CCNB3: variants seen among roughly 807,000 people sequenced by gnomAD.
CCNB3 encodes G2/mitotic-specific cyclin-B3.
In CCNB3, 12 loss-of-function variants were observed where a neutral mutation model predicts 68.0. The observed-to-expected ratio is 0.18, with a 90% CI of 0.11 to 0.29. The LOEUF (loss-of-function observed/expected upper bound fraction) is 0.29, where lower values mean the gene tolerates loss of function less well. Ranked by LOEUF, CCNB3 falls within the 10% of genes least tolerant of loss-of-function variation. CCNB3 has a pLI of 1.00. For synonymous variants in CCNB3, 354 were observed against 388.9 expected, an observed-to-expected ratio of 0.91 and a Z score of 1.06; for missense variants, 904 against 993.1, an observed-to-expected ratio of 0.91 and a Z score of 1.21.
chrX:50,349,050 A>G (rs1923544001), intron 11 of CCNB3, among the ~76,000 whole-genome samples: 1 of 113,090 alleles, frequency 8.8e-6, no homozygotes, highest in Non-Finnish European at 1.9e-5. Context: ...ATCTGAACTC[A>G]GGTAGTCTGA....
At chrX:50,313,772 A>G (rs978743923) in intron 7 of CCNB3, 84 bp from the exon 8 acceptor site, 3 of 689,044 alleles carry the variant, frequency 4.4e-6, no homozygotes, top group Middle Eastern at 3.5e-4. Context: ...AGTTAGAACT[A>G]TGAGGGAGAA....
At chrX:50,296,254 ATC>A (rs1936458370) in intron 5 of CCNB3, among the ~76,000 whole-genome samples, 1 of 96,456 alleles carries the variant, frequency 1.0e-5, no homozygotes, top group Admixed American at 1.2e-4. Flanking sequence ...CATTAGGTAT[ATC>A]TCCTAATGCT....
chrX:50,333,946 T>A (rs1166501329), intron 8 of CCNB3, among the ~76,000 whole-genome samples: 1 of 111,739 alleles, frequency 8.9e-6, no homozygotes, highest in Non-Finnish European at 1.9e-5. Flanking sequence ...TCCCCCAGAG[T>A]TTAGCAGACC....
At chrX:50,316,123 C>G (rs73495637) in intron 8 of CCNB3, among the ~76,000 whole-genome samples, 12,567 of 110,419 alleles carry the variant, frequency 0.11, 1,780 homozygotes, top group African/African-American at 0.4. Flanking sequence ...TTGTTCTTGT[C>G]ATAGTGGATA....
chrX:50,217,396 CT>C (rs1436349099), intron 1 of CCNB3, among the ~76,000 whole-genome samples: 1 of 106,640 alleles, frequency 9.4e-6, no homozygotes, highest in African/African-American at 3.4e-5. Context: ...CCTTAGCCTC[CT>C]GAGTAGCTGG....
At chrX:50,307,909 T>G (rs1452244201) in intron 5 of CCNB3, among the ~76,000 whole-genome samples, 8 of 112,283 alleles carry the variant, frequency 7.1e-5, no homozygotes, top group Non-Finnish European at 1.5e-4. Context: ...TCTCACTAGA[T>G]TCATCACTCT....
intron 8 of CCNB3, among the ~76,000 whole-genome samples, chrX:50,324,663 T>C (rs1922206616): frequency 8.9e-6 from 1 of 112,247 alleles, no homozygotes; most frequent in Non-Finnish European, 1.9e-5. Flanking sequence ...TGCTAAGGTT[T>C]ATTTTGTTGT....
chrX:50,294,035 A>C (rs1240859613), intron 4 of CCNB3, among the ~76,000 whole-genome samples: 2 of 111,292 alleles, frequency 1.8e-5, no homozygotes, highest in African/African-American at 6.5e-5. Flanking sequence ...TCCCGGACTC[A>C]AGCAATCCTC....
At chrX:50,210,169 T>C (rs1196316531) in intron 1 of CCNB3, among the ~76,000 whole-genome samples, 1 of 111,380 alleles carries the variant, frequency 9.0e-6, no homozygotes, top group Non-Finnish European at 1.9e-5. Flanking sequence ...ACCTTCTCTA[T>C]TAGGCTTTAA....
At chrX:50,300,920 C>T (rs941960388) in intron 5 of CCNB3, among the ~76,000 whole-genome samples, 1 of 111,836 alleles carries the variant, frequency 8.9e-6, no homozygotes, top group Non-Finnish European at 1.9e-5. Flanking sequence ...TCCAGTTGAT[C>T]GCCTTGTTTA....
intron 1 of CCNB3, among the ~76,000 whole-genome samples, chrX:50,215,941 C>CTTTTT (rs1195858030): frequency 8.2e-4 from 43 of 52,480 alleles, no homozygotes; most frequent in African/African-American, 1.6e-3. Flanking sequence ...GGGTGTGCTT[C>CTTTTT]TTTTTTTTTT....
intron 1 of CCNB3, among the ~76,000 whole-genome samples, chrX:50,228,367 C>G (rs1343018714): frequency 7.8e-5 from 7 of 89,858 alleles, no homozygotes; most frequent in African/African-American, 2.8e-4. Flanking sequence ...GATATATATA[C>G]ATAATATATA....
At chrX:50,205,495 G>T (rs1935341254) in intron 1 of CCNB3, among the ~76,000 whole-genome samples, 1 of 110,540 alleles carries the variant, frequency 9.0e-6, no homozygotes, top group Non-Finnish European at 1.9e-5. Flanking sequence ...TGTTTATCCT[G>T]CCCTGCAGAT....
At chrX:50,219,121 GT>G (rs1416208016) in intron 1 of CCNB3, among the ~76,000 whole-genome samples, 1 of 111,526 alleles carries the variant, frequency 9.0e-6, no homozygotes, top group East Asian at 2.8e-4. Context: ...GGGGTTGTTT[GT>G]TTTTTTCTTG....
chrX:50,280,103 A>C (rs1193589724), intron 1 of CCNB3, among the ~76,000 whole-genome samples: 1 of 93,042 alleles, frequency 1.1e-5, no homozygotes, highest in Non-Finnish European at 2.0e-5. Flanking sequence ...ATAAATATAT[A>C]TATAGAATAT....
At chrX:50,213,590 T>A (rs2146978023) in intron 1 of CCNB3, among the ~76,000 whole-genome samples, 1 of 111,948 alleles carries the variant, frequency 8.9e-6, no homozygotes, top group East Asian at 2.8e-4. Flanking sequence ...TGGTATTAAT[T>A]GTTCTTTAAA....
chrX:50,226,234 TTTATATATATAG>T (rs1294645956), intron 1 of CCNB3, among the ~76,000 whole-genome samples: 7 of 66,742 alleles, frequency 1.0e-4, no homozygotes, highest in African/African-American at 3.9e-4. Flanking sequence ...AATATATATA[TTTATATATATAG>T]AATATATATA....
At chrX:50,335,101 G>T (rs138563223) in intron 8 of CCNB3, among the ~76,000 whole-genome samples, 2 of 111,765 alleles carry the variant, frequency 1.8e-5, no homozygotes. Context: ...AAGGTCGTCC[G>T]TGTACTGGAG....
intron 1 of CCNB3, among the ~76,000 whole-genome samples, chrX:50,212,190 G>A (rs1294938145): frequency 8.9e-6 from 1 of 112,280 alleles, no homozygotes; most frequent in Non-Finnish European, 1.9e-5. Flanking sequence ...TTCTTGAAGA[G>A]AATGACTGCG....
Sources: allele counts gnomAD v4.1 joint callset (sites outside exome capture counted in the v4.1 genomes callset), GRCh38; gene constraint gnomAD v4.1.1; transcripts MANE v1.5; gene names NCBI Gene and HGNC (gene_info 2026-07-23, HGNC 2026-07-21).